The following SPAG16 variants were observed in gnomAD, a reference collection of about 807,000 sequenced individuals.
SPAG16 encodes the protein sperm associated antigen 16.
In SPAG16, 86 loss-of-function variants were observed where a neutral mutation model predicts 80.4. The ratio of observed to expected loss-of-function variants is 1.07; its 90% CI spans 0.90 to 1.28. The LOEUF is 1.28. SPAG16 is among the 50% of genes most tolerant of loss of function. The pLI, the probability that SPAG16 is intolerant of heterozygous loss-of-function variation, is 0.00. For synonymous variants in SPAG16, 294 were observed against 265.9 expected, an observed-to-expected ratio of 1.11 and a Z score of -1.03; for missense variants, 870 against 765.3, an observed-to-expected ratio of 1.14 and a Z score of -1.61.
At chr2:214,196,063 T>G (rs2057828305) in intron 15 of SPAG16, among the ~76,000 whole-genome samples, 1 of 151,982 alleles carries the variant, frequency 6.6e-6, no homozygotes. Context: ...CCATATTTAA[T>G]AATAATGAAA....
chr2:213,925,355 CT>C (rs35309095), intron 11 of SPAG16, among the ~76,000 whole-genome samples: 34,206 of 141,540 alleles, frequency 0.24, 4,288 homozygotes, highest in South Asian at 0.35. Flanking sequence ...TCTTTTCTTC[CT>C]TTTTTTTTTT....
intron 9 of SPAG16, among the ~76,000 whole-genome samples, chr2:213,402,904 T>C (rs1402680119): frequency 6.6e-6 from 1 of 152,214 alleles, no homozygotes; most frequent in Non-Finnish European, 1.5e-5. Flanking sequence ...GCATGTGTCT[T>C]TATAGCAGCA....
intron 9 of SPAG16, among the ~76,000 whole-genome samples, chr2:213,471,251 A>G (rs1039399114): frequency 6.6e-6 from 1 of 152,182 alleles, no homozygotes; most frequent in African/African-American, 2.4e-5. Flanking sequence ...GGGGAAGAGA[A>G]GGTACGGAGG....
chr2:213,814,988 A>G (rs762839599), intron 10 of SPAG16, among the ~76,000 whole-genome samples: 11 of 152,054 alleles, frequency 7.2e-5, no homozygotes, highest in Non-Finnish European at 1.5e-4. Context: ...ATTCTCACCC[A>G]ATAATCAGCA....
chr2:213,350,976 A>C (rs919798618), intron 7 of SPAG16, among the ~76,000 whole-genome samples: 10 of 151,558 alleles, frequency 6.6e-5, no homozygotes, highest in East Asian at 1.9e-4. Context: ...ATACAAAAAA[A>C]AAAAAACAAA....
chr2:213,866,384 A>G (rs1409818139), intron 11 of SPAG16, among the ~76,000 whole-genome samples: 1 of 152,160 alleles, frequency 6.6e-6, no homozygotes. Context: ...ATATACCATG[A>G]CCAAGTAAGA....
intron 10 of SPAG16, among the ~76,000 whole-genome samples, chr2:213,773,700 C>A (rs1032966711): frequency 1.3e-5 from 2 of 151,928 alleles, no homozygotes; most frequent in African/African-American, 4.8e-5. Context: ...ATTACAGGCA[C>A]CTGCCACCAC....
intron 5 of SPAG16, among the ~76,000 whole-genome samples, chr2:213,329,672 G>A (rs2064001481): frequency 6.6e-6 from 1 of 152,192 alleles, no homozygotes; most frequent in African/African-American, 2.4e-5. Flanking sequence ...ATTTTCTGGG[G>A]AGAAATTCAA....
At chr2:214,038,697 C>G (rs1449272198) in intron 13 of SPAG16, among the ~76,000 whole-genome samples, 2 of 146,020 alleles carry the variant, frequency 1.4e-5, no homozygotes, top group East Asian at 4.3e-4. Flanking sequence ...CCCCCCTCCC[C>G]CTACCCCACA....
chr2:213,470,272 T>C (rs896543501), intron 9 of SPAG16, among the ~76,000 whole-genome samples: 2 of 152,142 alleles, frequency 1.3e-5, no homozygotes, highest in African/African-American at 2.4e-5. Context: ...ATAAGACCAG[T>C]GAATTCCATA....
At chr2:213,917,898 T>C (rs2078042269) in intron 11 of SPAG16, among the ~76,000 whole-genome samples, 1 of 152,168 alleles carries the variant, frequency 6.6e-6, no homozygotes, top group Non-Finnish European at 1.5e-5. Context: ...CAGTATGATG[T>C]TGGTTGTGGG....
intron 10 of SPAG16, among the ~76,000 whole-genome samples, chr2:213,667,044 G>C (rs1476197795): frequency 1.3e-5 from 2 of 152,164 alleles, no homozygotes; most frequent in Admixed American, 1.3e-4. Flanking sequence ...TGGTGATTGA[G>C]GAGGTAATGG....
intron 10 of SPAG16, among the ~76,000 whole-genome samples, chr2:213,628,547 T>C (rs1334707688): frequency 6.6e-6 from 1 of 152,266 alleles, no homozygotes; most frequent in Non-Finnish European, 1.5e-5. Context: ...AAGTGACTAA[T>C]GTCTGATCAT....
At chr2:213,469,698 G>A (rs1357984210) in intron 9 of SPAG16, among the ~76,000 whole-genome samples, 2 of 151,522 alleles carry the variant, frequency 1.3e-5, no homozygotes. Flanking sequence ...TAATCACAGG[G>A]CATGGTAATA....
At chr2:214,119,965 G>T (rs1270079018) in intron 14 of SPAG16, among the ~76,000 whole-genome samples, 2 of 151,750 alleles carry the variant, frequency 1.3e-5, no homozygotes, top group African/African-American at 4.8e-5. Context: ...TTAATATCTT[G>T]CATATTTAGC....
At position 214,271,819 on chromosome 2, in the gene SPAG16, TA is replaced by T. The variant is rs567186049; in HGVS notation, c.1720+122560del. 1.2e-3 allele frequency among the ~76,000 whole-genome samples: 154 copies of T among 132,124 alleles called. 3 individuals carry two copies. In the South Asian group the frequency reaches 0.025, roughly 21 times the overall value. 86.7% of individuals were successfully genotyped at this position (132,124 alleles called of 152,430 possible). A position where few individuals can be genotyped will look rare whatever the true frequency, so the allele number is the denominator to read the frequency against. ...ATGTCTCAGAAAAACATAAATAAAT[TA>T]AAAAAAGAGAAACTGTGGGAAACCC... On this transcript the variant is annotated intron_variant, in intron 15 of 15. Transcript: ENST00000331683.
intron 5 of SPAG16, among the ~76,000 whole-genome samples, chr2:213,335,875 T>C (rs2064332579): frequency 6.9e-6 from 1 of 145,382 alleles, no homozygotes; most frequent in African/African-American, 2.6e-5. Context: ...TGCTGGGAGG[T>C]GGGGAGAAAG....
chr2:213,397,599 T>G (rs1478184377), intron 9 of SPAG16, among the ~76,000 whole-genome samples: 2 of 152,206 alleles, frequency 1.3e-5, no homozygotes. Flanking sequence ...GGATGATCCT[T>G]CTAACTCTCT....
At chr2:213,746,031 AT>A (rs1362721833) in intron 10 of SPAG16, among the ~76,000 whole-genome samples, 1 of 152,208 alleles carries the variant, frequency 6.6e-6, no homozygotes, top group Non-Finnish European at 1.5e-5. Context: ...AATGATCAAC[AT>A]TTAATTGACT....
Sources: allele counts gnomAD v4.1 joint callset (sites outside exome capture counted in the v4.1 genomes callset), GRCh38; gene constraint gnomAD v4.1.1; transcripts MANE v1.5; gene names NCBI Gene and HGNC (gene_info 2026-07-23, HGNC 2026-07-21).